Variants in PACRG observed in about 807,000 individuals in gnomAD.
PACRG encodes the protein parkin coregulated gene protein.
In PACRG, 29 loss-of-function variants were observed where a neutral mutation model predicts 29.7. That is an observed-to-expected ratio of 0.98 (90% CI 0.73 to 1.33). PACRG has a LOEUF of 1.33. Ranked by LOEUF, PACRG falls within the 40% of genes most tolerant of loss-of-function variation. The pLI is 0.00. For missense variants in PACRG, 279 were observed against 316.2 expected, an observed-to-expected ratio of 0.88 and a Z score of 0.89; for synonymous variants, 116 against 118.7, an observed-to-expected ratio of 0.98 and a Z score of 0.15.
intron 2 of PACRG, among the ~76,000 whole-genome samples, chr6:162,976,771 A>G (rs1801995076): frequency 6.6e-6 from 1 of 152,322 alleles, no homozygotes; most frequent in Admixed American, 6.5e-5. Flanking sequence ...ATGGATGACA[A>G]ATATTGAAAA....
intron 4 of PACRG, among the ~76,000 whole-genome samples, chr6:163,129,875 G>A (rs115245712): frequency 0.01 from 1,595 of 152,298 alleles, 29 homozygotes; most frequent in African/African-American, 0.037. Context: ...TTAAAACAGT[G>A]CTTGGCAAAT....
intron 4 of PACRG, among the ~76,000 whole-genome samples, chr6:163,122,683 A>G (rs915356896): frequency 1.6e-4 from 24 of 152,226 alleles, no homozygotes; most frequent in Admixed American, 1.6e-3. Context: ...ATCGGAAGAC[A>G]AAAAACCCCT....
upstream of PACRG, chr6:162,727,543 A>T: frequency 1.8e-6 from 2 of 1,130,812 alleles, no homozygotes; most frequent in Non-Finnish European, 2.6e-6. Context: ...CGGCACGGGC[A>T]CTTTGGCCCC....
intron 4 of PACRG, among the ~76,000 whole-genome samples, chr6:163,119,270 G>A (rs1041338490): frequency 2.0e-5 from 3 of 152,206 alleles, no homozygotes; most frequent in South Asian, 2.1e-4. Flanking sequence ...ATGCGAGCAC[G>A]CTGCCTAACT....
At chr6:163,224,368 C>CTCAAAAAAAAAAAAA (rs1781702738) in intron 4 of PACRG, among the ~76,000 whole-genome samples, 1 of 47,280 alleles carries the variant, frequency 2.1e-5, no homozygotes, top group South Asian at 1.5e-3. Context: ...GACTCCATCT[C>CTCAAAAAAAAAAAAA]AAAAAAAAAA....
At chr6:162,876,000 C>G (rs776083066) in intron 2 of PACRG, among the ~76,000 whole-genome samples, 4 of 152,100 alleles carry the variant, frequency 2.6e-5, no homozygotes, top group African/African-American at 7.2e-5. Flanking sequence ...ATTTCCTTCC[C>G]TAGATAGAGC....
chr6:163,185,464 G>A (rs927563750), intron 4 of PACRG, among the ~76,000 whole-genome samples: 4 of 152,136 alleles, frequency 2.6e-5, no homozygotes, highest in Admixed American at 1.3e-4. Context: ...AGGACTTAAA[G>A]ATGTTACTGT....
intron 1 of PACRG, among the ~76,000 whole-genome samples, chr6:162,730,548 G>A (rs937945466): frequency 6.6e-6 from 1 of 152,130 alleles, no homozygotes; most frequent in African/African-American, 2.4e-5. Context: ...GAGTGCGATA[G>A]TGATACAAGT....
chr6:163,107,792 A>G (rs1267100734), intron 4 of PACRG, among the ~76,000 whole-genome samples: 1 of 152,258 alleles, frequency 6.6e-6, no homozygotes, highest in East Asian at 1.9e-4. Context: ...TCTTGATTAC[A>G]TCCTAATGCT....
intron 1 of PACRG, among the ~76,000 whole-genome samples, chr6:162,761,922 C>A (rs951762420): frequency 1.6e-5 from 2 of 123,866 alleles, no homozygotes; most frequent in South Asian, 2.8e-4. Flanking sequence ...GGTGACACAG[C>A]GAGACTCCAT....
chr6:163,223,579 C>A (rs954025644), intron 4 of PACRG, among the ~76,000 whole-genome samples: 2 of 152,106 alleles, frequency 1.3e-5, no homozygotes. Context: ...GACGACTCGA[C>A]TGTAATGCAC....
chr6:162,945,718 A>G (rs925789807), intron 2 of PACRG, among the ~76,000 whole-genome samples: 8 of 152,096 alleles, frequency 5.3e-5, no homozygotes, highest in Admixed American at 5.2e-4. Context: ...AGCACATGGA[A>G]CATTCTCCAG....
chr6:163,182,428 G>A (rs564033341), intron 4 of PACRG, among the ~76,000 whole-genome samples: 42 of 152,314 alleles, frequency 2.8e-4, no homozygotes, highest in African/African-American at 9.9e-4. Context: ...ACAAGATATA[G>A]ATGAGACTCA....
At chr6:162,856,536 C>A (rs1310097812) in intron 2 of PACRG, among the ~76,000 whole-genome samples, 2 of 152,152 alleles carry the variant, frequency 1.3e-5, no homozygotes, top group Non-Finnish European at 2.9e-5. Flanking sequence ...CCTGGAGCAT[C>A]TTCTGGTAGC....
At chr6:163,150,916 T>G (rs1778057971) in intron 4 of PACRG, among the ~76,000 whole-genome samples, 1 of 152,190 alleles carries the variant, frequency 6.6e-6, no homozygotes, top group Non-Finnish European at 1.5e-5. Flanking sequence ...TTATTATTGG[T>G]TTGGGGTGTT....
chr6:162,753,773 T>C (rs1781694319), intron 1 of PACRG, among the ~76,000 whole-genome samples: 3 of 152,176 alleles, frequency 2.0e-5, no homozygotes, highest in Admixed American at 2.0e-4. Context: ...ATGTAAGACA[T>C]GCCTTGCTTC....
chr6:163,201,752 G>T (rs1376820852), intron 4 of PACRG, among the ~76,000 whole-genome samples: 1 of 152,244 alleles, frequency 6.6e-6, no homozygotes, highest in African/African-American at 2.4e-5. Context: ...TTAGGTACAT[G>T]GTAAGAGCAT....
chr6:162,952,904 CTGA>C (rs746487936), intron 2 of PACRG, among the ~76,000 whole-genome samples: 50 of 152,250 alleles, frequency 3.3e-4, no homozygotes, highest in Non-Finnish European at 6.5e-4. Context: ...TTTATATCTA[CTGA>C]TAAATATGTG....
intron 4 of PACRG, among the ~76,000 whole-genome samples, chr6:163,240,291 A>G (rs1782449631): frequency 6.6e-6 from 1 of 152,146 alleles, no homozygotes; most frequent in African/African-American, 2.4e-5. Flanking sequence ...GCATTAAGAA[A>G]GAAACCCATG....
Sources: gnomAD v4.1 joint callset for allele counts (sites outside exome capture counted in the v4.1 genomes callset) on GRCh38, gnomAD v4.1.1 for gene constraint, MANE v1.5 for transcripts, NCBI Gene and HGNC (gene_info 2026-07-23, HGNC 2026-07-21) for gene names.